Variants in SUFU observed in about 807,000 individuals in gnomAD.
The protein encoded by SUFU is SUFU negative regulator of hedgehog signaling.
A neutral mutation model predicts 58.9 loss-of-function variants in SUFU; 7 were observed. The observed-to-expected ratio is 0.12, with a 90% CI of 0.07 to 0.22. The LOEUF is 0.22. Ranked by LOEUF, SUFU falls within the 10% of genes least tolerant of loss-of-function variation. The probability of loss-of-function intolerance (pLI) is 1.00; values close to 1 mark genes in which losing one functional copy is unlikely to be tolerated. For missense variants in SUFU, 451 were observed against 641.3 expected, an observed-to-expected ratio of 0.70 and a Z score of 3.20; for synonymous variants, 232 against 254.8, an observed-to-expected ratio of 0.91 and a Z score of 0.85.
At chr10:102,507,767 T>C (rs1267928136) in intron 1 of SUFU, among the ~76,000 whole-genome samples, 3 of 152,200 alleles carry the variant, frequency 2.0e-5, no homozygotes, top group African/African-American at 7.2e-5. Flanking sequence ...GGTTGTTAGC[T>C]TTCCACCAGC....
Position 102,629,137 on chromosome 10 carries a change from CAA to C in SUFU, c.1366-928_1366-927del, listed in dbSNP as rs773005657. 1.3e-5 allele frequency among the ~76,000 whole-genome samples: 2 copies of C among 152,236 alleles called. No individual in the cohort carries two copies. The highest frequency in any genetic ancestry group is 6.5e-5 in the Admixed American group (1 of 15,290). On this transcript the variant is annotated intron_variant, in intron 11 of 11. Coordinates refer to ENST00000369902, the MANE Select transcript of SUFU (RefSeq NM_016169.4). This position sits in a 1 kb window ranked among gnomAD's most constrained non-coding sequence, Gnocchi z 4.7. ...CGCCATTGCACTCCAGCCTGGGCAA[CAA>C]GAGCGAAACTCCGTCTCAAAAGAAA...
rs34738568 is a variant in SUFU, at chr10:102,561,667, C to CTTTTTT, written c.454+11575_454+11580dup. On this transcript the variant is annotated intron_variant, in intron 3 of 11. Transcript: ENST00000369902. ...TTTAGGGTTAGGAAAGACCAGCAAG[C>CTTTTTT]TTTTTTTTTTTTTTTTTTTGAGATG... is the stretch of plus-strand genomic sequence containing the variant. 9.9e-5 allele frequency among the ~76,000 whole-genome samples: 11 copies of CTTTTTT among 110,614 alleles called. 1 individual carries two copies. The highest frequency in any genetic ancestry group is 1.4e-4 in the African/African-American group (4 of 28,492). 72.6% of individuals were successfully genotyped at this position (110,614 alleles called of 152,430 possible).
intron 3 of SUFU, among the ~76,000 whole-genome samples, chr10:102,551,970 C>T (rs2062923175): frequency 6.6e-6 from 1 of 151,794 alleles, no homozygotes; most frequent in African/African-American, 2.4e-5. Flanking sequence ...CGTGATCCAC[C>T]CGCCTCAGCC....
At chr10:102,543,735 T>G (rs190540429) in intron 2 of SUFU, among the ~76,000 whole-genome samples, 1 of 152,238 alleles carries the variant, frequency 6.6e-6, no homozygotes, top group Non-Finnish European at 1.5e-5. Flanking sequence ...ATACAACATA[T>G]GGTCTTTTGT....
intron 3 of SUFU, among the ~76,000 whole-genome samples, chr10:102,568,894 A>AT (rs2063124232): frequency 1.6e-4 from 4 of 24,578 alleles, no homozygotes; most frequent in African/African-American, 4.4e-4. Context: ...AAAAAAAAAA[A>AT]AAAATATATA....
intron 3 of SUFU, among the ~76,000 whole-genome samples, chr10:102,584,206 T>C (rs2063313711): frequency 6.6e-6 from 1 of 152,136 alleles, no homozygotes; most frequent in East Asian, 1.9e-4. Flanking sequence ...TGGAGGCAAA[T>C]AGAAACAGGG....
chr10:102,629,984 C>T lies in SUFU; in HGVS notation c.1366-82C>T. 7.7e-7 allele frequency: 1 copy of T among 1,304,168 alleles called. No homozygotes were observed. The highest frequency in any genetic ancestry group is 1.1e-6 in the Non-Finnish European group (1 of 897,306). 80.8% of individuals were successfully genotyped at this position (1,304,168 alleles called of 1,614,324 possible). On this transcript the variant is annotated intron_variant, in intron 11 of 11. Transcript: ENST00000369902. The surrounding 1 kb of genome is among the most constrained non-coding windows in gnomAD (Gnocchi z 4.7). ...TGTCCTATCCCTAGCTCCCCGGGGACAGGCCTGGGCAATCTCTGGAAAGAC... is the reference window on the plus strand; with the variant it reads ...TGTCCTATCCCTAGCTCCCCGGGGATAGGCCTGGGCAATCTCTGGAAAGAC...
intron 8 of SUFU, among the ~76,000 whole-genome samples, chr10:102,609,018 T>TG (rs1564703764): frequency 6.6e-6 from 1 of 152,226 alleles, no homozygotes; most frequent in East Asian, 1.9e-4. Context: ...TTCATAGTCT[T>TG]GAAACCCCGG....
intron 2 of SUFU, among the ~76,000 whole-genome samples, chr10:102,545,087 C>T (rs1316724087): frequency 1.3e-5 from 2 of 151,558 alleles, no homozygotes; most frequent in Non-Finnish European, 2.9e-5. Flanking sequence ...TTGATGTATA[C>T]GTTTTCATGT....
At chr10:102,555,290 A>C (rs969376147) in intron 3 of SUFU, among the ~76,000 whole-genome samples, 1 of 129,548 alleles carries the variant, frequency 7.7e-6, no homozygotes, top group African/African-American at 2.8e-5. Context: ...AAAAAAAAAA[A>C]CTTTATATGG....
chr10:102,506,177 G>C (rs948057822), intron 1 of SUFU, among the ~76,000 whole-genome samples: 1 of 151,974 alleles, frequency 6.6e-6, no homozygotes, highest in East Asian at 1.9e-4. Flanking sequence ...TAGCCATAAA[G>C]GATAGAATTG....
chr10:102,595,141 A>G (rs1453121973), intron 6 of SUFU, among the ~76,000 whole-genome samples: 4 of 152,136 alleles, frequency 2.6e-5, no homozygotes, highest in Admixed American at 2.6e-4. Context: ...GCCATCTCTA[A>G]ACCTGCCATG....
rs1477199832 is a variant in SUFU, at chr10:102,597,223, G to GC, written c.846dup (p.Glu283ArgfsTer3). ...AGTGTGCCTGGGATGACCTGAGCCG[G>GC]CCCCCCGAGGATGACGAGGACAGCC... On this transcript the variant is annotated frameshift_variant, in exon 7 of 12. Coordinates refer to ENST00000369902, the MANE Select transcript of SUFU (RefSeq NM_016169.4). LOFTEE classifies it high-confidence loss of function. The GC allele has an allele frequency of 6.2e-7, 1 of 1,613,938 alleles. No individual in the cohort carries two copies. The highest frequency in any genetic ancestry group is 8.5e-7 in the Non-Finnish European group (1 of 1,180,010).
chr10:102,505,749 G>A (rs557938867), intron 1 of SUFU, among the ~76,000 whole-genome samples: 3 of 152,298 alleles, frequency 2.0e-5, no homozygotes, highest in South Asian at 4.1e-4. Flanking sequence ...AACTGGTGTC[G>A]CAGTCCTCTC....
chr10:102,570,257 A>G (rs1490828426), intron 3 of SUFU, among the ~76,000 whole-genome samples: 2 of 150,960 alleles, frequency 1.3e-5, no homozygotes, highest in Non-Finnish European at 3.0e-5. Context: ...TTATTTATTT[A>G]TTGAGACGGA....
At chr10:102,581,347 A>G (rs1372373532) in intron 3 of SUFU, among the ~76,000 whole-genome samples, 1 of 152,090 alleles carries the variant, frequency 6.6e-6, no homozygotes, top group Non-Finnish European at 1.5e-5. Flanking sequence ...ACTAACTTTG[A>G]ACTTTATTTC....
At chr10:102,573,166 C>G (rs2063180153) in intron 3 of SUFU, 1 of 773,762 alleles carries the variant, frequency 1.3e-6, no homozygotes, top group East Asian at 2.4e-5. Flanking sequence ...CCTTCAAAGC[C>G]TTTGCTTTGG....
chr10:102,504,147 A>G lies in SUFU; in HGVS notation c.-6A>G, dbSNP rs1180104174. 3.9e-6 allele frequency: 6 copies of G among 1,538,702 alleles called. No individual in the cohort carries two copies. In the South Asian group the frequency reaches 6.0e-5, roughly 15 times the overall value. ...AGTTCCCCCAGTGCCTGCCCTACGC[A>G]CCCCGATGGCGGAGCTGCGGCCTAG... On this transcript the variant is annotated 5_prime_UTR_variant, in exon 1 of 12. Transcript: ENST00000369902.
intron 2 of SUFU, among the ~76,000 whole-genome samples, chr10:102,524,558 T>C (rs2062588618): frequency 6.6e-6 from 1 of 152,122 alleles, no homozygotes; most frequent in South Asian, 2.1e-4. Flanking sequence ...ACTCCTCAAG[T>C]GATCTGCCTG....
Sources: gnomAD v4.1 joint callset for allele counts (sites outside exome capture counted in the v4.1 genomes callset) on GRCh38, gnomAD v4.1.1 for gene constraint, Gnocchi (gnomAD v3.1) non-coding constraint, MANE v1.5 for transcripts, NCBI Gene and HGNC (gene_info 2026-07-23, HGNC 2026-07-21) for gene names.